STK32B: variants seen among roughly 807,000 people sequenced by gnomAD.
STK32B encodes serine/threonine-protein kinase 32B.
Under a neutral mutation model 52.6 loss-of-function variants are expected in STK32B, and 43 were observed. The observed-to-expected ratio is 0.82, with a 90% CI of 0.64 to 1.05. The LOEUF is 1.05. Among genes scored for constraint, STK32B ranks in the 50% least tolerant of loss-of-function variants. STK32B has a pLI of 0.00. For synonymous variants in STK32B, 238 were observed against 204.3 expected, an observed-to-expected ratio of 1.17 and a Z score of -1.41; for missense variants, 621 against 534.6, an observed-to-expected ratio of 1.16 and a Z score of -1.59.
intron 8 of STK32B, among the ~76,000 whole-genome samples, chr4:5,457,315 A>G (rs1414787933): frequency 1.4e-5 from 2 of 144,154 alleles, no homozygotes; most frequent in African/African-American, 5.2e-5. Flanking sequence ...TCCCGGGTTC[A>G]CGCCATTTTC....
At chr4:5,252,391 ACAATGTCCCATTAGTTG>A (rs1725999060) in intron 3 of STK32B, among the ~76,000 whole-genome samples, 1 of 152,206 alleles carries the variant, frequency 6.6e-6, no homozygotes, top group Admixed American at 6.5e-5. Context: ...AGCTCATGGC[ACAATGTCCCATTAGTTG>A]TTCCCATTGA....
At chr4:5,217,162 C>G (rs1723229064) in intron 3 of STK32B, among the ~76,000 whole-genome samples, 1 of 152,036 alleles carries the variant, frequency 6.6e-6, no homozygotes, top group Admixed American at 6.5e-5. Flanking sequence ...GCTCTGGGCC[C>G]CTTATACAAT....
At chr4:5,287,546 T>C (rs546891831) in intron 3 of STK32B, among the ~76,000 whole-genome samples, 1 of 152,238 alleles carries the variant, frequency 6.6e-6, no homozygotes, top group East Asian at 1.9e-4. Context: ...TGGACATGAG[T>C]GTACAGTGAA....
In STK32B at chr4:5,386,971, C is replaced by G. The variant is rs1221262805; in HGVS notation, c.435-11236C>G. On this transcript the variant is annotated intron_variant, in intron 4 of 11. Coordinates refer to ENST00000282908, the MANE Select transcript of STK32B (RefSeq NM_018401.3). The surrounding 1 kb of genome is among the most constrained non-coding windows in gnomAD (Gnocchi z 4.5). ...CGAAGAGTCGCAGCATCTCACAGGC[C>G]CAGCCACTTGGAGCCCGCTGGGAAG... is the stretch of plus-strand genomic sequence containing the variant. Among the ~76,000 whole-genome samples, 1 of 152,190 alleles carries G rather than the reference C, an allele frequency of 6.6e-6. No individual in the cohort carries two copies. The highest frequency in any genetic ancestry group is 1.5e-5 in the Non-Finnish European group (1 of 68,020).
chr4:5,245,094 G>C (rs1009020799), intron 3 of STK32B, among the ~76,000 whole-genome samples: 5 of 152,132 alleles, frequency 3.3e-5, no homozygotes, highest in African/African-American at 1.2e-4. Flanking sequence ...AGGTCCGCTT[G>C]GTGCAGAGCT....
At chr4:5,138,924 T>G (rs112112745) in intron 1 of STK32B, among the ~76,000 whole-genome samples, 20 of 152,256 alleles carry the variant, frequency 1.3e-4, no homozygotes, top group African/African-American at 4.6e-4. Context: ...GCTGGAGCCC[T>G]GCAGCCCTGG....
chr4:5,425,889 T>A (rs1713050223), intron 6 of STK32B, among the ~76,000 whole-genome samples: 1 of 152,178 alleles, frequency 6.6e-6, no homozygotes, highest in Non-Finnish European at 1.5e-5. Flanking sequence ...TATACAGCCT[T>A]TTGAATGTGG....
At position 5,446,665 on chromosome 4, in the gene STK32B, G is replaced by T. The variant is rs11930847; in HGVS notation, c.563-8G>T. 1.5e-3 allele frequency: 2,413 copies of T among 1,613,456 alleles called. 39 individuals are homozygous for T. The African/African-American group carries it at 0.029, about 19-fold the overall frequency. ...ACAATGATGTTCTCCTTGTCCTCTC[G>T]TTGGCAGCTCCAGAAGTATTCCAGG... On this transcript the variant is annotated splice_polypyrimidine_tract_variant and splice_region_variant and intron_variant, in intron 6 of 11. Transcript: ENST00000282908.
intron 9 of STK32B, among the ~76,000 whole-genome samples, chr4:5,462,314 CTG>C (rs959126251): frequency 1.3e-5 from 2 of 150,266 alleles, no homozygotes; most frequent in African/African-American, 2.5e-5. Context: ...GCTTGTGTGT[CTG>C]TGTGTCTGTA....
At chr4:5,122,835 A>G (rs1225246954) in intron 1 of STK32B, among the ~76,000 whole-genome samples, 2 of 151,808 alleles carry the variant, frequency 1.3e-5, no homozygotes, top group African/African-American at 4.8e-5. Flanking sequence ...GGGTTCCATG[A>G]TACTCTCCCT....
intron 1 of STK32B, among the ~76,000 whole-genome samples, chr4:5,120,450 T>C (rs546386950): frequency 9.8e-5 from 15 of 152,356 alleles, no homozygotes; most frequent in African/African-American, 3.1e-4. Flanking sequence ...TATACTGTTA[T>C]AATTTTTCCA....
intron 3 of STK32B, among the ~76,000 whole-genome samples, chr4:5,272,216 GGTT>G (rs542161371): frequency 0.02 from 2,849 of 144,298 alleles, 104 homozygotes; most frequent in African/African-American, 0.072. Flanking sequence ...TAGCATGAAG[GGTT>G]GTTGAATTTT....
intron 3 of STK32B, among the ~76,000 whole-genome samples, chr4:5,290,728 A>C (rs1244875697): frequency 6.6e-6 from 1 of 151,122 alleles, no homozygotes; most frequent in Non-Finnish European, 1.5e-5. Context: ...TACACTGAAA[A>C]CTATAAAACA....
intron 1 of STK32B, among the ~76,000 whole-genome samples, chr4:5,118,714 G>A (rs949286444): frequency 2.0e-5 from 3 of 152,324 alleles, no homozygotes; most frequent in Admixed American, 1.3e-4. Context: ...TTCCTGCTCA[G>A]AAGGTAAATT....
At chr4:5,270,353 G>C (rs1727342350) in intron 3 of STK32B, among the ~76,000 whole-genome samples, 1 of 152,100 alleles carries the variant, frequency 6.6e-6, no homozygotes, top group African/African-American at 2.4e-5. Flanking sequence ...TAGGCCAGAA[G>C]ACTAAACTAG....
chr4:5,252,965 C>G (rs544610151), intron 3 of STK32B, among the ~76,000 whole-genome samples: 74 of 152,246 alleles, frequency 4.9e-4, no homozygotes, highest in African/African-American at 1.8e-3. Context: ...TTCTATTTGT[C>G]TCTTCTAATC....
At chr4:5,270,877 A>T (rs1433929689) in intron 3 of STK32B, among the ~76,000 whole-genome samples, 1 of 152,210 alleles carries the variant, frequency 6.6e-6, no homozygotes, top group East Asian at 1.9e-4. Context: ...CAATATATAA[A>T]ATTTAATTCT....
At chr4:5,383,983 C>G (rs893746213) in intron 4 of STK32B, among the ~76,000 whole-genome samples, 2 of 152,072 alleles carry the variant, frequency 1.3e-5, no homozygotes, top group Non-Finnish European at 2.9e-5. Flanking sequence ...TGATAGGGAG[C>G]GCTGGGGAGC....
At chr4:5,113,941 A>C (rs776507730) in intron 1 of STK32B, among the ~76,000 whole-genome samples, 1 of 152,076 alleles carries the variant, frequency 6.6e-6, no homozygotes, top group Non-Finnish European at 1.5e-5. Context: ...CCTTTTTAAA[A>C]ACCATCAGAT....
Sources: allele counts gnomAD v4.1 joint callset (sites outside exome capture counted in the v4.1 genomes callset), GRCh38; gene constraint gnomAD v4.1.1; non-coding constraint Gnocchi (gnomAD v3.1); transcripts MANE v1.5; gene names NCBI Gene and HGNC (gene_info 2026-07-23, HGNC 2026-07-21).